The following SPATA7 variants were observed in gnomAD, a reference collection of about 807,000 sequenced individuals.
SPATA7 encodes the protein spermatogenesis-associated protein 7.
SPATA7 carries 43 observed loss-of-function variants against 51.8 expected under a neutral mutation model. That is an observed-to-expected ratio of 0.83 (90% CI 0.65 to 1.07). SPATA7 has a LOEUF of 1.07. Ranked by LOEUF, SPATA7 falls within the 50% of genes least tolerant of loss-of-function variation. SPATA7 has a pLI of 0.00. For synonymous variants in SPATA7, 230 were observed against 252.8 expected, an observed-to-expected ratio of 0.91 and a Z score of 0.86; for missense variants, 683 against 701.3, an observed-to-expected ratio of 0.97 and a Z score of 0.30.
intron 4 of SPATA7, among the ~76,000 whole-genome samples, chr14:88,409,348 C>A (rs1397518619): frequency 6.6e-6 from 1 of 152,040 alleles, no homozygotes; most frequent in Non-Finnish European, 1.5e-5. Context: ...GGAATTTATC[C>A]ATTTCTTCTA....
At chr14:88,445,263 C>A (rs1031791554) in intron 3 of SPATA7, among the ~76,000 whole-genome samples, 1 of 149,124 alleles carries the variant, frequency 6.7e-6, no homozygotes, top group African/African-American at 2.5e-5. Context: ...AATGGGAGTT[C>A]ACTCATGATT....
At chr14:88,470,113 T>C (rs1409299002) in exon 5 of SPATA7, 72 of 1,526,958 alleles carry the variant, frequency 4.7e-5, no homozygotes, top group Non-Finnish European at 6.3e-6. Context: ...TATGTATGCA[T>C]GCATTCATGG....
intron 4 of SPATA7, among the ~76,000 whole-genome samples, chr14:88,462,491 T>C (rs533648192): frequency 1.3e-5 from 2 of 152,234 alleles, no homozygotes; most frequent in Non-Finnish European, 2.9e-5. Flanking sequence ...ACCAAGTTTT[T>C]AGAGTGTGAA....
Position 88,437,821 on chromosome 14 carries a change from T to C in SPATA7, c.1216-17T>C. ...GACTCAATTAATGTAATTAGTCTCA[T>C]CTTTTCTTAATCCTAGGAAAAAATG... On this transcript the variant is annotated splice_polypyrimidine_tract_variant and intron_variant, in intron 11 of 11. Coordinates refer to ENST00000393545, the MANE Select transcript of SPATA7 (RefSeq NM_018418.5). 1.9e-6 allele frequency: 3 copies of C among 1,580,516 alleles called. No individual in the cohort carries two copies. The highest frequency in any genetic ancestry group is 2.6e-6 in the Non-Finnish European group (3 of 1,168,180).
chr14:88,395,100 T>G (rs982627368), intron 3 of SPATA7, among the ~76,000 whole-genome samples: 1 of 152,118 alleles, frequency 6.6e-6, no homozygotes, highest in Admixed American at 6.5e-5. Context: ...CTGGAGAAAT[T>G]TTTAGACTTA....
At chr14:88,466,019 A>G (rs2077356961) in intron 4 of SPATA7, 1 of 152,044 alleles carries the variant, frequency 6.6e-6, no homozygotes, top group Admixed American at 6.6e-5. Flanking sequence ...AGCTATGTCA[A>G]ACTGTTTGTT....
At chr14:88,458,496 T>C (rs1365521912), downstream of SPATA7, among the ~76,000 whole-genome samples, 1 of 152,216 alleles carries the variant, frequency 6.6e-6, no homozygotes, top group Non-Finnish European at 1.5e-5. Context: ...TTCTAGATTT[T>C]CTAGTTTATT....
chr14:88,450,510 G>A (rs2077243287), intron 3 of SPATA7, among the ~76,000 whole-genome samples: 1 of 152,070 alleles, frequency 6.6e-6, no homozygotes, highest in African/African-American at 2.4e-5. Flanking sequence ...GGCAAATTCA[G>A]CATTTGTTTG....
At chr14:88,421,768 G>A (rs901284798) in intron 5 of SPATA7, among the ~76,000 whole-genome samples, 1 of 152,032 alleles carries the variant, frequency 6.6e-6, no homozygotes, top group Admixed American at 6.5e-5. Flanking sequence ...GGCCAATATG[G>A]TGAAACCCTG....
chr14:88,448,104 C>G (rs1164953821), intron 3 of SPATA7, among the ~76,000 whole-genome samples: 10 of 152,100 alleles, frequency 6.6e-5, no homozygotes, highest in African/African-American at 2.2e-4. Flanking sequence ...CCATTCTCCC[C>G]GTCACTTTCA....
At chr14:88,421,947 C>CAAA (rs767269848) in intron 5 of SPATA7, among the ~76,000 whole-genome samples, 1 of 77,034 alleles carries the variant, frequency 1.3e-5, no homozygotes, top group Non-Finnish European at 2.6e-5. Context: ...GACTCCATCT[C>CAAA]AAAAAAAAAA....
At chr14:88,393,558 A>G in intron 3 of SPATA7, 70 bp downstream of exon 3, 2 of 1,123,254 alleles carry the variant, frequency 1.8e-6, no homozygotes, top group Non-Finnish European at 2.6e-6. Flanking sequence ...ATTAAAATAT[A>G]TCTATAGCAA....
intron 4 of SPATA7, among the ~76,000 whole-genome samples, chr14:88,465,333 G>C (rs1348885438): frequency 6.6e-6 from 1 of 152,124 alleles, no homozygotes; most frequent in Admixed American, 6.5e-5. Context: ...CGGGCATAGT[G>C]GTGCATGCCT....
chr14:88,448,655 G>A (rs1317439916), intron 3 of SPATA7, among the ~76,000 whole-genome samples: 1 of 152,182 alleles, frequency 6.6e-6, no homozygotes, highest in Non-Finnish European at 1.5e-5. Context: ...ATGTACAGAT[G>A]TGTTTTTGGT....
At chr14:88,408,900 T>G (rs1359763832) in intron 4 of SPATA7, among the ~76,000 whole-genome samples, 1 of 152,226 alleles carries the variant, frequency 6.6e-6, no homozygotes, top group Non-Finnish European at 1.5e-5. Context: ...GTTTATGTGA[T>G]GAATTATGTT....
chr14:88,398,795 G>A (rs540376666), intron 4 of SPATA7, among the ~76,000 whole-genome samples: 3 of 152,222 alleles, frequency 2.0e-5, no homozygotes, highest in Non-Finnish European at 4.4e-5. Flanking sequence ...GCTCATGCCT[G>A]TAATCCCAGC....
At chr14:88,460,360 T>A (rs1466444572) in intron 4 of SPATA7, among the ~76,000 whole-genome samples, 2 of 152,072 alleles carry the variant, frequency 1.3e-5, no homozygotes, top group African/African-American at 4.8e-5. Flanking sequence ...CAGACATAAA[T>A]TTGGTCTTTT....
At chr14:88,404,821 A>G (rs1335980329) in intron 4 of SPATA7, among the ~76,000 whole-genome samples, 1 of 152,196 alleles carries the variant, frequency 6.6e-6, no homozygotes, top group Non-Finnish European at 1.5e-5. Context: ...TTATTCATTG[A>G]TTTATTCAGC....
At chr14:88,421,546 A>C (rs1248553062) in intron 5 of SPATA7, among the ~76,000 whole-genome samples, 1 of 152,222 alleles carries the variant, frequency 6.6e-6, no homozygotes, top group Non-Finnish European at 1.5e-5. Context: ...CTACACTGAC[A>C]ACAGTGGAGG....
Sources: allele counts gnomAD v4.1 joint callset (sites outside exome capture counted in the v4.1 genomes callset), GRCh38; gene constraint gnomAD v4.1.1; transcripts MANE v1.5; gene names NCBI Gene and HGNC (gene_info 2026-07-23, HGNC 2026-07-21).